CD244: variants seen among roughly 807,000 people sequenced by gnomAD.
CD244 encodes natural killer cell receptor 2B4.
A neutral mutation model predicts 45.5 loss-of-function variants in CD244; 20 were observed. The ratio of observed to expected loss-of-function variants is 0.44; its 90% CI spans 0.31 to 0.64. CD244 has a LOEUF of 0.64. CD244 is among the 30% of genes least tolerant of loss of function. CD244 has a pLI of 0.08. For missense variants in CD244, 407 were observed against 426.9 expected (o/e 0.95, Z 0.41); for synonymous variants, 185 against 160.5 (o/e 1.15, Z -1.15).
chr1:160,842,430 C>G (rs1669576112), intron 1 of CD244, among the ~76,000 whole-genome samples: 1 of 152,014 alleles, frequency 6.6e-6, no homozygotes, highest in Non-Finnish European at 1.5e-5. Flanking sequence ...TTTGTAAAGA[C>G]AGCAGTTTGG....
At position 160,841,244 on chromosome 1, in the gene CD244, C is replaced by T; in HGVS notation, c.621G>A (p.Leu207=). The T allele has an allele frequency of 6.2e-7, 1 of 1,614,212 alleles. No individual in the cohort carries two copies. Among genetic ancestry groups the T allele is most frequent in the Non-Finnish European group, 8.5e-7 (1 of 1,180,026 alleles). ...CATTCTGACAGTCCTGAGTGAGATT[C>T]AGGGTGTGGCTTTCCCAGCTAACAG... is the stretch of plus-strand genomic sequence containing the variant. ...SNPVSWESHT[L]NLTQDCQNAH... is the part of the protein sequence containing the mutation. Residue 207 remains leucine, a synonymous_variant, in exon 3 of 9, where the codon CTG becomes CTA. Coordinates refer to ENST00000368034, the MANE Select transcript of CD244 (RefSeq NM_016382.4).
At chr1:160,843,663 A>G (rs984315144) in intron 1 of CD244, among the ~76,000 whole-genome samples, 2 of 152,260 alleles carry the variant, frequency 1.3e-5, no homozygotes, top group African/African-American at 2.4e-5. Context: ...AAGACATGCT[A>G]ACCAATCCTC....
At chr1:160,832,483 A>G (rs370473304) in intron 8 of CD244, 36 bp downstream of exon 8, 1 of 1,314,910 alleles carries the variant, frequency 7.6e-7, no homozygotes, top group Non-Finnish European at 1.1e-6. Context: ...GCTATGCAAC[A>G]GACAGTAAAC....
intron 1 of CD244, among the ~76,000 whole-genome samples, chr1:160,861,313 C>G (rs1670294005): frequency 6.6e-6 from 1 of 152,204 alleles, no homozygotes; most frequent in Non-Finnish European, 1.5e-5. Flanking sequence ...GTTGAGTCCA[C>G]CTGAGCCTTG....
intron 1 of CD244, among the ~76,000 whole-genome samples, chr1:160,859,924 G>A (rs1388262324): frequency 6.6e-6 from 1 of 151,926 alleles, no homozygotes; most frequent in African/African-American, 2.4e-5. Flanking sequence ...AATAATAATA[G>A]GCCGGGCACA....
intron 6 of CD244, among the ~76,000 whole-genome samples, chr1:160,835,969 A>G (rs1293982508): frequency 6.6e-6 from 1 of 152,212 alleles, no homozygotes; most frequent in Non-Finnish European, 1.5e-5. Context: ...TCTGCCAGAC[A>G]CGGAAGAAGA....
chr1:160,858,409 A>G (rs113457185), intron 1 of CD244, among the ~76,000 whole-genome samples: 21 of 152,230 alleles, frequency 1.4e-4, no homozygotes, highest in African/African-American at 5.1e-4. Flanking sequence ...GTGCCCTTTT[A>G]TTGTCCAGCA....
At position 160,862,867 on chromosome 1, in the gene CD244, C is replaced by A; in HGVS notation, c.-190G>T. On this transcript the variant is annotated 5_prime_UTR_variant, in exon 1 of 9. Coordinates refer to ENST00000368034, the MANE Select transcript of CD244 (RefSeq NM_016382.4). ...GAGCTGACAAGGCCACTGAGAAAGC[C>A]CCAGCGCCTGGAGCTGGTCTGACAG... 1 of 498,570 alleles carries A rather than the reference C, an allele frequency of 2.0e-6. No homozygotes were observed. The highest frequency in any genetic ancestry group is 3.3e-5 in the Admixed American group (1 of 30,200). The allele number at this position is 498,570 out of a possible 1,614,324, so 30.9% of individuals were successfully genotyped here. A position where few individuals can be genotyped will look rare whatever the true frequency, so the allele number is the denominator to read the frequency against.
At chr1:160,837,323 AGCACCCG>A (rs1413945073) in intron 5 of CD244, among the ~76,000 whole-genome samples, 2 of 152,158 alleles carry the variant, frequency 1.3e-5, no homozygotes, top group African/African-American at 4.8e-5. Context: ...ATTTTTAGCA[AGCACCCG>A]GGCATCACTG....
Position 160,831,249 on chromosome 1 carries a change from C to A in CD244, c.*98G>T. ...AACAAATTTCCATATCCTCTCCAGA[C>A]TAGGAACTGTTCTATAGAGACTCCT... is the stretch of plus-strand genomic sequence containing the variant. On this transcript the variant is annotated 3_prime_UTR_variant, in exon 9 of 9. Coordinates refer to ENST00000368034, the MANE Select transcript of CD244 (RefSeq NM_016382.4). 1 of 828,386 alleles carries A rather than the reference C, an allele frequency of 1.2e-6. No individual in the cohort carries two copies. The allele number at this position is 828,386 out of a possible 1,614,324, so 51.3% of individuals were successfully genotyped here. A position where few individuals can be genotyped will look rare whatever the true frequency, so the allele number is the denominator to read the frequency against.
rs78318074 is a variant in CD244, at chr1:160,861,015, G to A, written c.61+1602C>T. 9.2e-5 allele frequency among the ~76,000 whole-genome samples: 14 copies of A among 152,342 alleles called. No individual in the cohort carries two copies. In the East Asian group the frequency reaches 2.5e-3, roughly 27 times the overall value. ...GTGCTGAAGCCCTGGGAATGGGGGTGGAGGGAGCATTGCCCTCTGTCACAC... is the reference window on the plus strand; with the variant it reads ...GTGCTGAAGCCCTGGGAATGGGGGTAGAGGGAGCATTGCCCTCTGTCACAC... On this transcript the variant is annotated intron_variant, in intron 1 of 8. Transcript: ENST00000368034.
intron 1 of CD244, among the ~76,000 whole-genome samples, chr1:160,858,748 C>T (rs1670194323): frequency 6.6e-6 from 1 of 152,250 alleles, no homozygotes; most frequent in Non-Finnish European, 1.5e-5. Context: ...AGCGCAAGCT[C>T]TCTGAACAAA....
chr1:160,832,785 AATATG>A (rs1476661919), intron 7 of CD244: 6 of 1,039,044 alleles, frequency 5.8e-6, no homozygotes, highest in Non-Finnish European at 8.3e-6. Context: ...ATTTGCCTAT[AATATG>A]ATATTTCTGA....
At chr1:160,843,366 C>T (rs983973544) in intron 1 of CD244, among the ~76,000 whole-genome samples, 1 of 152,128 alleles carries the variant, frequency 6.6e-6, no homozygotes, top group Non-Finnish European at 1.5e-5. Context: ...AACAAGTCAA[C>T]CTACCAAATA....
chr1:160,856,854 A>G (rs1256759482), intron 1 of CD244, among the ~76,000 whole-genome samples: 2 of 152,026 alleles, frequency 1.3e-5, no homozygotes, highest in African/African-American at 4.8e-5. Context: ...CATGTACAGT[A>G]AAGGAAACAA....
At position 160,844,430 on chromosome 1, in the gene CD244, C is replaced by T. The variant is rs148212056; in HGVS notation, c.62-2529G>A. ...ACCATGTCCTTGCAATGTGACTTTACAGCTCCTTCTGTTATCAAGAAATGG... is the reference window on the plus strand; with the variant it reads ...ACCATGTCCTTGCAATGTGACTTTATAGCTCCTTCTGTTATCAAGAAATGG... On this transcript the variant is annotated intron_variant, in intron 1 of 8. Coordinates refer to ENST00000368034, the MANE Select transcript of CD244 (RefSeq NM_016382.4). Among the ~76,000 whole-genome samples, 498 of 152,332 alleles carry T rather than the reference C, an allele frequency of 3.3e-3. 5 individuals are homozygous for T. The Middle Eastern group carries it at 0.041, about 12-fold the overall frequency.
intron 1 of CD244, 91 bp downstream of exon 1, chr1:160,862,526 T>C (rs1303679892): frequency 8.9e-7 from 1 of 1,129,570 alleles, no homozygotes; most frequent in African/African-American, 1.5e-5. Context: ...TGACTGTGTA[T>C]GTGGCACAAG....
Position 160,831,352 on chromosome 1 carries a change from A to T in CD244, c.1093T>A (p.Ser365Thr), listed in dbSNP as rs1225506499. 1 of 1,613,466 alleles carries T rather than the reference A, an allele frequency of 6.2e-7. No individual in the cohort carries two copies. The highest frequency in any genetic ancestry group is 8.5e-7 in the Non-Finnish European group (1 of 1,179,356). ...RKELENFDVY[S>T] ...GGTGAGAATTGCTGCAGCAACTAGG[A>T]ATAAACATCAAAGTTCTCCAGCTCT... The change falls in exon 9 of 9, where the codon TCC becomes ACC. Residue 365 changes from serine to threonine, a missense_variant. By Grantham distance (58) the Ser-to-Thr change is moderately conservative. Coordinates refer to ENST00000368034, the MANE Select transcript of CD244 (RefSeq NM_016382.4).
intron 1 of CD244, among the ~76,000 whole-genome samples, chr1:160,850,292 T>C (rs1242938851): frequency 6.6e-6 from 1 of 152,088 alleles, no homozygotes; most frequent in Non-Finnish European, 1.5e-5. Context: ...TATACACCTA[T>C]TGCAACAAAA....
Sources: allele counts gnomAD v4.1 joint callset (sites outside exome capture counted in the v4.1 genomes callset), GRCh38; gene constraint gnomAD v4.1.1; transcripts MANE v1.5; gene names NCBI Gene and HGNC (gene_info 2026-07-23, HGNC 2026-07-21).